SCEL: variants seen among roughly 807,000 people sequenced by gnomAD.
SCEL encodes sciellin.
A neutral mutation model predicts 117.6 loss-of-function variants in SCEL; 113 were observed. The ratio of observed to expected loss-of-function variants is 0.96; its 90% CI spans 0.83 to 1.12. The LOEUF (loss-of-function observed/expected upper bound fraction) is 1.12. SCEL is among the 50% of genes most tolerant of loss of function. SCEL has a pLI of 0.00. For missense variants in SCEL, 785 were observed against 810.8 expected (o/e 0.97, Z 0.39); for synonymous variants, 270 against 256.2 (o/e 1.05, Z -0.51).
At position 77,559,878 on chromosome 13, in the gene SCEL, A is replaced by G. The variant is rs560229312; in HGVS notation, c.221+15A>G. The G allele has an allele frequency of 2.5e-6, 4 of 1,603,098 alleles. No individual in the cohort carries two copies. Among genetic ancestry groups the G allele is most frequent in the Non-Finnish European group, 3.4e-6 (4 of 1,170,314 alleles). ...GCATTGGACAGGTGGGTGTTTAGAC[A>G]TGTTACATCATGAGCAGAAACACAA... On this transcript the variant is annotated intron_variant, in intron 4 of 32. Coordinates refer to ENST00000349847, the MANE Select transcript of SCEL (RefSeq NM_144777.3).
In SCEL at chr13:77,614,064, T is replaced by A. The variant is rs1191615735; in HGVS notation, c.1451+109T>A. ...CAAATTGAATATAAATCTCAAAATATCATCACAGGTGGAAACCTAGATGTC... is the reference window on the plus strand; with the variant it reads ...CAAATTGAATATAAATCTCAAAATAACATCACAGGTGGAAACCTAGATGTC... On this transcript the variant is annotated intron_variant, in intron 24 of 32. Coordinates refer to ENST00000349847, the MANE Select transcript of SCEL (RefSeq NM_144777.3). The A allele has an allele frequency of 7.6e-6, 7 of 926,518 alleles. No homozygotes were observed. In the Admixed American group the frequency reaches 1.4e-4, roughly 19 times the overall value. 57.4% of individuals were successfully genotyped at this position (926,518 alleles called of 1,614,324 possible). A position where few individuals can be genotyped will look rare whatever the true frequency, so the allele number is the denominator to read the frequency against.
intron 24 of SCEL, among the ~76,000 whole-genome samples, chr13:77,615,906 G>A (rs2088984457): frequency 1.3e-5 from 2 of 151,730 alleles, no homozygotes; most frequent in Admixed American, 6.6e-5. Flanking sequence ...TTAGTGAATG[G>A]CAATCAGCAT....
chr13:77,593,406 C>T, intron 11 of SCEL, 108 bp from the exon 12 acceptor site: 1 of 742,234 alleles, frequency 1.3e-6, no homozygotes, highest in Non-Finnish European at 2.2e-6. Context: ...AATTCCTGAA[C>T]ACCACCTAGA....
At chr13:77,612,985 A>G in intron 23 of SCEL, 44 bp downstream of exon 23, 2 of 1,100,072 alleles carry the variant, frequency 1.8e-6, no homozygotes, top group East Asian at 5.3e-5. Flanking sequence ...CAAGTCACCA[A>G]TTTATGCCCC....
At chr13:77,596,668 A>G (rs567841364) in intron 12 of SCEL, among the ~76,000 whole-genome samples, 1 of 148,100 alleles carries the variant, frequency 6.8e-6, no homozygotes, top group East Asian at 2.0e-4. Flanking sequence ...TTGCTGAGGA[A>G]GGCAAGAGAG....
rs2085134524 is a variant in SCEL at position 77,563,911 on chromosome 13, T to C, written c.290+12T>C. On this transcript the variant is annotated intron_variant, in intron 5 of 32. Coordinates refer to ENST00000349847, the MANE Select transcript of SCEL (RefSeq NM_144777.3). ...GACACTTTGGACAGGTAAGGGGCTT[T>C]TGAACCATATAAATGGAATGCATAA... 1.3e-6 allele frequency: 2 copies of C among 1,546,618 alleles called. No homozygotes were observed. The highest frequency in any genetic ancestry group is 1.7e-6 in the Non-Finnish European group (2 of 1,148,292).
chr13:77,569,554 C>A, intron 8 of SCEL, 103 bp downstream of exon 8: 2 of 796,834 alleles, frequency 2.5e-6, no homozygotes, highest in Non-Finnish European at 4.0e-6. Flanking sequence ...CTACATTCTG[C>A]TGTTCCCAAA....
chr13:77,617,978 C>T, intron 26 of SCEL, 26 bp from the exon 27 acceptor site: 3 of 1,610,938 alleles, frequency 1.9e-6, no homozygotes, highest in Non-Finnish European at 2.5e-6. Flanking sequence ...CCAATCTGAA[C>T]TTTTTTCTCT....
intron 24 of SCEL, 91 bp downstream of exon 24, chr13:77,614,046 AAT>A: frequency 9.4e-7 from 1 of 1,061,806 alleles, no homozygotes; most frequent in Non-Finnish European, 1.4e-6. Context: ...GGGCAAATTG[AAT>A]ATAAATCTCA....
At chr13:77,579,170 A>G (rs535275252) in intron 9 of SCEL, among the ~76,000 whole-genome samples, 1 of 152,306 alleles carries the variant, frequency 6.6e-6, no homozygotes, top group South Asian at 2.1e-4. Flanking sequence ...GAAAGCTTTC[A>G]TACTCTAAGG....
intron 16 of SCEL, 60 bp from the exon 17 acceptor site, chr13:77,602,594 C>T: frequency 7.0e-7 from 1 of 1,427,212 alleles, no homozygotes; most frequent in South Asian, 1.2e-5. Context: ...CTTGATTATA[C>T]AGATTTCAGA....
intron 3 of SCEL, among the ~76,000 whole-genome samples, chr13:77,557,885 T>C (rs2084750880): frequency 6.6e-6 from 1 of 152,208 alleles, no homozygotes; most frequent in African/African-American, 2.4e-5. Context: ...TCTGCAGATA[T>C]GGTTATTTGA....
At chr13:77,602,964 C>A (rs1289909065) in intron 17 of SCEL, 112 bp from the exon 18 acceptor site, 3 of 658,978 alleles carry the variant, frequency 4.6e-6, no homozygotes, top group Non-Finnish European at 7.4e-6. Flanking sequence ...AATTTAATGT[C>A]AGTATAATAA....
rs147895305 is a variant in SCEL, at chr13:77,608,354, C to A, written c.1217+239C>A. Among the ~76,000 whole-genome samples the A allele has an allele frequency of 9.1e-3, 1,389 of 152,288 alleles. 28 individuals carry two copies. Among genetic ancestry groups the A allele is most frequent in the African/African-American group, 0.031 (1,284 of 41,562 alleles). ...GTGGCTCACGCCTGTAATCCCAGCA[C>A]TTTGGGAGGCCAAGGTGGGCGGATT... On this transcript the variant is annotated intron_variant, in intron 20 of 32. Coordinates refer to ENST00000349847, the MANE Select transcript of SCEL (RefSeq NM_144777.3).
Position 77,617,868 on chromosome 13 carries a change from T to C in SCEL, c.1571+6T>C, listed in dbSNP as rs1313897443. On this transcript the variant is annotated splice_donor_region_variant and intron_variant, in intron 26 of 32. Coordinates refer to ENST00000349847, the MANE Select transcript of SCEL (RefSeq NM_144777.3). ...GTAATCAGAAACAATCAGAGGTATA[T>C]ATAGAAGCAGTCAATTCATGTTTTT... is the stretch of plus-strand genomic sequence containing the variant. 1.2e-6 allele frequency: 2 copies of C among 1,604,590 alleles called. No homozygotes were observed. The highest frequency in any genetic ancestry group is 8.5e-7 in the Non-Finnish European group (1 of 1,172,060).
intron 1 of SCEL, among the ~76,000 whole-genome samples, chr13:77,549,288 A>G (rs2084168162): frequency 1.3e-5 from 2 of 152,102 alleles, no homozygotes; most frequent in South Asian, 2.1e-4. Flanking sequence ...TTTGGTTTTG[A>G]CTTGCATTTC....
chr13:77,633,450 A>AAAAACAAAAACAAAAACAAAAAAAC (rs2090127458), intron 28 of SCEL, among the ~76,000 whole-genome samples: 1 of 143,358 alleles, frequency 7.0e-6, no homozygotes, highest in Non-Finnish European at 1.5e-5. Context: ...CTCAAAAAAA[A>AAAAACAAAAACAAAAACAAAAAAAC]AAAAAAAAAA....
At chr13:77,622,811 A>G (rs369439085) in intron 27 of SCEL, among the ~76,000 whole-genome samples, 163 of 152,320 alleles carry the variant, frequency 1.1e-3, no homozygotes, top group African/African-American at 3.5e-3. Context: ...GCAGTGAGCT[A>G]TGACAGCACC....
At chr13:77,550,517 C>G (rs182940177) in intron 1 of SCEL, among the ~76,000 whole-genome samples, 127 of 151,940 alleles carry the variant, frequency 8.4e-4, no homozygotes, top group African/African-American at 3.0e-3. Context: ...AGCAGTCACT[C>G]TTCATTCACC....
Sources: gnomAD v4.1 joint callset for allele counts (sites outside exome capture counted in the v4.1 genomes callset) on GRCh38, gnomAD v4.1.1 for gene constraint, MANE v1.5 for transcripts, NCBI Gene and HGNC (gene_info 2026-07-23, HGNC 2026-07-21) for gene names.